Variants in CAMTA1 observed in about 807,000 individuals in gnomAD.
CAMTA1 encodes calmodulin binding transcription activator 1.
A neutral mutation model predicts 170.9 loss-of-function variants in CAMTA1; 27 were observed. The ratio of observed to expected loss-of-function variants is 0.16; its 90% CI spans 0.12 to 0.22. The LOEUF (loss-of-function observed/expected upper bound fraction) is 0.22. Among genes scored for constraint, CAMTA1 ranks in the 10% least tolerant of loss-of-function variants. The pLI is 1.00. For synonymous variants in CAMTA1, 833 were observed against 891.5 expected, an observed-to-expected ratio of 0.93 and a Z score of 1.17; for missense variants, 1,619 against 2,217.2, an observed-to-expected ratio of 0.73 and a Z score of 5.42.
At chr1:7,500,327 TAG>T (rs1367398542) in intron 6 of CAMTA1, among the ~76,000 whole-genome samples, 1 of 148,610 alleles carries the variant, frequency 6.7e-6, no homozygotes, top group African/African-American at 2.5e-5. Context: ...AGCGAGTGTG[TAG>T]AGAGGATGGT....
chr1:7,652,970 T>G (rs1208189334), intron 7 of CAMTA1, among the ~76,000 whole-genome samples: 1 of 152,198 alleles, frequency 6.6e-6, no homozygotes, highest in African/African-American at 2.4e-5. Flanking sequence ...GATAATATAT[T>G]CTGCCTCAAG....
chr1:6,798,769 TG>T (rs1643205239), intron 1 of CAMTA1, among the ~76,000 whole-genome samples: 1 of 144,348 alleles, frequency 6.9e-6, no homozygotes, highest in Non-Finnish European at 1.5e-5. Context: ...GCTAATTTTT[TG>T]TATTTTTAGT....
At chr1:6,843,622 G>C (rs1424505369) in intron 3 of CAMTA1, among the ~76,000 whole-genome samples, 1 of 152,194 alleles carries the variant, frequency 6.6e-6, no homozygotes, top group African/African-American at 2.4e-5. Context: ...TGGGATTACA[G>C]GCACGCACCA....
At chr1:7,481,295 G>A (rs2093529945) in intron 6 of CAMTA1, among the ~76,000 whole-genome samples, 1 of 152,184 alleles carries the variant, frequency 6.6e-6, no homozygotes, top group Non-Finnish European at 1.5e-5. Flanking sequence ...CGTGACCTCT[G>A]AAGACCTGTA....
At chr1:7,415,675 C>G (rs2091111198) in intron 5 of CAMTA1, among the ~76,000 whole-genome samples, 1 of 152,138 alleles carries the variant, frequency 6.6e-6, no homozygotes, top group Non-Finnish European at 1.5e-5. Context: ...GATGGGTTTC[C>G]TGAATACAGC....
intron 6 of CAMTA1, among the ~76,000 whole-genome samples, chr1:7,525,776 G>A (rs1216873984): frequency 6.6e-6 from 1 of 152,134 alleles, no homozygotes; most frequent in Non-Finnish European, 1.5e-5. Flanking sequence ...TGACCAGTGG[G>A]CACTCCTTCC....
At position 7,092,009 on chromosome 1, in the gene CAMTA1, A is replaced by C. The variant is rs10864276; in HGVS notation, c.302+638A>C. ...ATGTTGGGACTTAGGGTTGATTTTA[A>C]AAGGCAGCCTCTTTTGGTCCTCCCC... is the stretch of plus-strand genomic sequence containing the variant. On this transcript the variant is annotated intron_variant, in intron 4 of 22. Coordinates refer to ENST00000303635, the MANE Select transcript of CAMTA1 (RefSeq NM_015215.4). This position sits in a 1 kb window ranked among gnomAD's most constrained non-coding sequence, Gnocchi z 5.0. 6.6e-6 allele frequency among the ~76,000 whole-genome samples: 1 copy of C among 152,230 alleles called. No individual in the cohort carries two copies. The highest frequency in any genetic ancestry group is 2.4e-5 in the African/African-American group (1 of 41,456).
chr1:7,211,744 G>A (rs548783021), intron 4 of CAMTA1, among the ~76,000 whole-genome samples: 1 of 152,322 alleles, frequency 6.6e-6, no homozygotes, highest in African/African-American at 2.4e-5. Flanking sequence ...TGTGTGCCTT[G>A]CGAGTGGTAT....
At chr1:7,373,753 G>A (rs1329971608) in intron 5 of CAMTA1, among the ~76,000 whole-genome samples, 1 of 152,250 alleles carries the variant, frequency 6.6e-6, no homozygotes, top group African/African-American at 2.4e-5. Context: ...TCACAGAGTT[G>A]TACAAATACC....
At chr1:7,297,274 C>G (rs1674094471) in intron 5 of CAMTA1, among the ~76,000 whole-genome samples, 1 of 152,122 alleles carries the variant, frequency 6.6e-6, no homozygotes, top group African/African-American at 2.4e-5. Flanking sequence ...TCTGGCAGGT[C>G]AGTTAATTAC....
chr1:7,013,405 G>A (rs1417019679), intron 3 of CAMTA1, among the ~76,000 whole-genome samples: 1 of 151,820 alleles, frequency 6.6e-6, no homozygotes, highest in Non-Finnish European at 1.5e-5. Flanking sequence ...TACAGATGGG[G>A]TTTCGCCATG....
chr1:7,483,361 C>T (rs1319420253), intron 6 of CAMTA1, among the ~76,000 whole-genome samples: 1 of 152,194 alleles, frequency 6.6e-6, no homozygotes, highest in East Asian at 1.9e-4. Context: ...CAGCCCGTGG[C>T]AGCGACAAGA....
chr1:7,384,749 G>A (rs1373679422), intron 5 of CAMTA1, among the ~76,000 whole-genome samples: 1 of 152,182 alleles, frequency 6.6e-6, no homozygotes, highest in African/African-American at 2.4e-5. Context: ...GGGTGTGCGT[G>A]TGGTTGCTAA....
At chr1:6,895,572 A>T (rs1344268114) in intron 3 of CAMTA1, among the ~76,000 whole-genome samples, 1 of 152,268 alleles carries the variant, frequency 6.6e-6, no homozygotes, top group Non-Finnish European at 1.5e-5. Flanking sequence ...GAGTCCGGTC[A>T]GCATGAATAA....
chr1:7,449,787 AAG>A (rs1553168509), intron 5 of CAMTA1, among the ~76,000 whole-genome samples: 5 of 147,792 alleles, frequency 3.4e-5, no homozygotes, highest in Non-Finnish European at 7.5e-5. Flanking sequence ...AAAAAAAAAA[AAG>A]AAAGAAAGAA....
intron 5 of CAMTA1, among the ~76,000 whole-genome samples, chr1:7,292,448 C>CT (rs916077410): frequency 7.2e-5 from 11 of 152,280 alleles, no homozygotes; most frequent in Admixed American, 1.3e-4. Flanking sequence ...TCCGGAGAGG[C>CT]TGGATGTGGC....
intron 5 of CAMTA1, among the ~76,000 whole-genome samples, chr1:7,417,161 C>T (rs1234046726): frequency 6.6e-6 from 1 of 152,266 alleles, no homozygotes; most frequent in Non-Finnish European, 1.5e-5. Flanking sequence ...GAGTACCCGG[C>T]CGTGTGAGGT....
chr1:7,480,066 T>TAC (rs2093488998), intron 6 of CAMTA1, among the ~76,000 whole-genome samples: 1 of 143,648 alleles, frequency 7.0e-6, no homozygotes, highest in African/African-American at 2.8e-5. Flanking sequence ...TGAGTGTGTT[T>TAC]GTGTGAGTGC....
Position 7,745,921 on chromosome 1 carries a change from G to T in CAMTA1, c.4447G>T (p.Ala1483Ser), listed in dbSNP as rs371421140. Residue 1483 changes from alanine (A) to serine (S), a missense_variant, in exon 18 of 23, where the codon GCT (alanine) becomes TCT (serine). Around this residue, in one of 8 missense-constraint regions of CAMTA1, gnomAD observed 370 missense variants for 429.4 expected, o/e 0.86. Transcript: ENST00000303635. ...SPVGSPVSEI[A>S]FEKPNLPSAA... ...TGTTGGCTCTCCCGTCAGTGAAATC[G>T]CTTTCGAGAAACCTAACCTTCCCTC... 3 of 1,614,096 alleles carry T rather than the reference G, an allele frequency of 1.9e-6. No homozygotes were observed. Among genetic ancestry groups the T allele is most frequent in the South Asian group, 2.2e-5 (2 of 91,070 alleles).
Sources: allele counts gnomAD v4.1 joint callset (sites outside exome capture counted in the v4.1 genomes callset), GRCh38; gene constraint gnomAD v4.1.1; regional missense constraint gnomAD v4.1.1; non-coding constraint Gnocchi (gnomAD v3.1); transcripts MANE v1.5; gene names NCBI Gene and HGNC (gene_info 2026-07-23, HGNC 2026-07-21).